The following GBE1 variants were observed in gnomAD, a reference collection of about 807,000 sequenced individuals.
The protein encoded by GBE1 is 1,4-alpha-glucan-branching enzyme.
A neutral mutation model predicts 88.8 loss-of-function variants in GBE1; 70 were observed. The observed-to-expected ratio is 0.79, with a 90% CI of 0.65 to 0.96. The LOEUF is 0.96. Ranked by LOEUF, GBE1 falls within the 40% of genes least tolerant of loss-of-function variation. The pLI is 0.00. For synonymous variants in GBE1, 284 were observed against 300.1 expected (o/e 0.95, Z 0.56); for missense variants, 872 against 871.0 (o/e 1.00, Z -0.01).
intron 11 of GBE1, among the ~76,000 whole-genome samples, chr3:81,580,731 T>C (rs1162449571): frequency 6.6e-6 from 1 of 152,034 alleles, no homozygotes; most frequent in Non-Finnish European, 1.5e-5. Flanking sequence ...GGGAGGTCAA[T>C]TAGCAGGAGA....
intron 1 of GBE1, among the ~76,000 whole-genome samples, chr3:81,750,647 A>ATG (rs1706509128): frequency 2.1e-5 from 1 of 48,376 alleles, no homozygotes; most frequent in African/African-American, 1.1e-4. Context: ...ATATATATGT[A>ATG]TATATATATA....
chr3:81,529,453 A>C (rs1466518870), intron 14 of GBE1, among the ~76,000 whole-genome samples: 2 of 151,536 alleles, frequency 1.3e-5, no homozygotes, highest in Admixed American at 1.3e-4. Context: ...CCTTTTCTTT[A>C]AAACTGAAGT....
intron 3 of GBE1, among the ~76,000 whole-genome samples, chr3:81,657,900 A>T (rs1433667785): frequency 6.6e-6 from 1 of 152,120 alleles, no homozygotes; most frequent in Non-Finnish European, 1.5e-5. Flanking sequence ...AGAGGTGGAT[A>T]GAGAGAGATT....
chr3:81,538,890 G>C (rs907737054), intron 12 of GBE1, among the ~76,000 whole-genome samples: 1 of 151,956 alleles, frequency 6.6e-6, no homozygotes, highest in South Asian at 2.1e-4. Context: ...TGGGACAGCC[G>C]TGGATCTCTG....
intron 14 of GBE1, among the ~76,000 whole-genome samples, chr3:81,511,730 T>C (rs747114598): frequency 3.0e-4 from 46 of 152,044 alleles, no homozygotes; most frequent in Admixed American, 5.9e-4. Flanking sequence ...TTATATACTG[T>C]TGGTGGGAAG....
intron 2 of GBE1, among the ~76,000 whole-genome samples, chr3:81,681,009 TGG>T (rs1705332936): frequency 6.6e-6 from 1 of 152,226 alleles, no homozygotes; most frequent in African/African-American, 2.4e-5. Flanking sequence ...CTCAGATACT[TGG>T]GTTTGGTTTT....
At chr3:81,744,152 A>G (rs536270533) in intron 1 of GBE1, among the ~76,000 whole-genome samples, 1 of 152,014 alleles carries the variant, frequency 6.6e-6, no homozygotes, top group Non-Finnish European at 1.5e-5. Flanking sequence ...ACTGTCTAAT[A>G]TGGTAGCCAC....
At chr3:81,522,260 G>C (rs189564798) in intron 14 of GBE1, among the ~76,000 whole-genome samples, 1 of 151,496 alleles carries the variant, frequency 6.6e-6, no homozygotes, top group Non-Finnish European at 1.5e-5. Flanking sequence ...GAACTAATGC[G>C]TTGATTTTAA....
At chr3:81,621,195 C>T (rs2107013278) in intron 7 of GBE1, among the ~76,000 whole-genome samples, 1 of 152,264 alleles carries the variant, frequency 6.6e-6, no homozygotes, top group Non-Finnish European at 1.5e-5. Context: ...TTACTCTGCA[C>T]TTTGGAGAAT....
chr3:81,514,799 AAGAGCTTCACGGAAAAT>A (rs1396116908), intron 14 of GBE1, among the ~76,000 whole-genome samples: 1 of 151,672 alleles, frequency 6.6e-6, no homozygotes, highest in Non-Finnish European at 1.5e-5. Flanking sequence ...TCTGATTAAG[AAGAGCTTCACGGAAAAT>A]GTCAGAAACA....
At chr3:81,757,075 T>C (rs948405819) in intron 1 of GBE1, among the ~76,000 whole-genome samples, 1 of 152,214 alleles carries the variant, frequency 6.6e-6, no homozygotes, top group Non-Finnish European at 1.5e-5. Flanking sequence ...CAATTTCTTG[T>C]GTGTGGACAA....
intron 14 of GBE1, chr3:81,534,976 C>A (rs1338185322): frequency 6.5e-6 from 3 of 459,586 alleles, no homozygotes; most frequent in Non-Finnish European, 1.1e-5. Flanking sequence ...CTGCACTAAC[C>A]CCTCTGTTTA....
chr3:81,560,510 C>A (rs1703402043), intron 12 of GBE1, among the ~76,000 whole-genome samples: 1 of 151,752 alleles, frequency 6.6e-6, no homozygotes, highest in African/African-American at 2.4e-5. Context: ...TATCTATGAC[C>A]CACATAAAAT....
At chr3:81,642,743 G>A (rs1480404538) in intron 7 of GBE1, 38 bp downstream of exon 7, 1 of 1,272,384 alleles carries the variant, frequency 7.9e-7, no homozygotes, top group South Asian at 1.2e-5. Flanking sequence ...ATGTTAAACA[G>A]CAACAATAGA....
At chr3:81,740,557 G>A (rs1706332674) in intron 1 of GBE1, among the ~76,000 whole-genome samples, 2 of 151,986 alleles carry the variant, frequency 1.3e-5, no homozygotes, top group Admixed American at 6.6e-5. Context: ...AAACCTGAGG[G>A]AAATGGCTAC....
At chr3:81,575,160 A>G (rs1412130316) in intron 12 of GBE1, among the ~76,000 whole-genome samples, 66 of 150,422 alleles carry the variant, frequency 4.4e-4, no homozygotes, top group African/African-American at 1.6e-3. Context: ...GCGAGACTCC[A>G]TCTCAAAAAA....
intron 14 of GBE1, among the ~76,000 whole-genome samples, chr3:81,521,547 A>G (rs968719251): frequency 1.3e-5 from 2 of 151,638 alleles, no homozygotes; most frequent in African/African-American, 4.8e-5. Context: ...GAATAAAGTC[A>G]GAAAGATAAA....
intron 15 of GBE1, among the ~76,000 whole-genome samples, chr3:81,496,476 A>G (rs1702500385): frequency 6.6e-6 from 1 of 152,226 alleles, no homozygotes. Context: ...AATGCTGTGT[A>G]CTAGTTATGA....
intron 7 of GBE1, among the ~76,000 whole-genome samples, chr3:81,613,689 A>T (rs1403133825): frequency 2.0e-5 from 3 of 152,200 alleles, no homozygotes; most frequent in African/African-American, 7.2e-5. Context: ...ACATCCTTGC[A>T]GTTTAAGATG....
Sources: gnomAD v4.1 joint callset for allele counts (sites outside exome capture counted in the v4.1 genomes callset) on GRCh38, gnomAD v4.1.1 for gene constraint, MANE v1.5 for transcripts, NCBI Gene and HGNC (gene_info 2026-07-23, HGNC 2026-07-21) for gene names.